The following SUMF1 variants were observed in gnomAD, a reference collection of about 807,000 sequenced individuals.
SUMF1 encodes formylglycine-generating enzyme.
In SUMF1, 48 loss-of-function variants were observed where a neutral mutation model predicts 47.6. The ratio of observed to expected loss-of-function variants is 1.01; its 90% CI spans 0.80 to 1.28. SUMF1 has a LOEUF of 1.28. Ranked by LOEUF, SUMF1 falls within the 50% of genes most tolerant of loss-of-function variation. SUMF1 has a pLI of 0.00. For missense variants in SUMF1, 571 were observed against 485.4 expected (o/e 1.18, Z -1.66); for synonymous variants, 230 against 192.1 (o/e 1.20, Z -1.63).
At chr3:4,190,203 T>A (rs997115559) in intron 8 of SUMF1, among the ~76,000 whole-genome samples, 24 of 151,582 alleles carry the variant, frequency 1.6e-4, no homozygotes, top group Non-Finnish European at 3.2e-4. Flanking sequence ...TTTTTTTTTT[T>A]AATGAACTGA....
chr3:4,380,811 G>A (rs1700480051), intron 7 of SUMF1, among the ~76,000 whole-genome samples: 1 of 152,030 alleles, frequency 6.6e-6, no homozygotes, highest in Non-Finnish European at 1.5e-5. Context: ...AAAGGCCAAG[G>A]TACAGCTAAA....
At chr3:4,081,543 G>A (rs899939687) in intron 8 of SUMF1, among the ~76,000 whole-genome samples, 6 of 152,158 alleles carry the variant, frequency 3.9e-5, no homozygotes, top group Admixed American at 2.6e-4. Flanking sequence ...AGACAGTCCA[G>A]TAGAGTGGTT....
At position 4,456,946 on chromosome 3, in the gene SUMF1, A is replaced by ATC. The variant is rs1388194449; in HGVS notation, c.271-3898_271-3897insGA. 2.5e-5 allele frequency among the ~76,000 whole-genome samples: 3 copies of ATC among 119,700 alleles called. 1 individual carries two copies. The highest frequency in any genetic ancestry group is 3.6e-5 in the Non-Finnish European group (2 of 55,606). 78.5% of individuals were successfully genotyped at this position (119,700 alleles called of 152,430 possible). A position where few individuals can be genotyped will look rare whatever the true frequency, so the allele number is the denominator to read the frequency against. On this transcript the variant is annotated intron_variant, in intron 1 of 8. Transcript: ENST00000272902. ...TGTGTATATATATACGTGTGTGTAC[A>ATC]TATATACGTGTGTGTATATATATAC...
chr3:4,206,376 T>C (rs1427366185), intron 8 of SUMF1, among the ~76,000 whole-genome samples: 1 of 152,070 alleles, frequency 6.6e-6, no homozygotes, highest in Non-Finnish European at 1.5e-5. Context: ...TTCAAATTTA[T>C]TTAGTACCCT....
At chr3:4,280,298 C>A (rs1377673180) in intron 8 of SUMF1, among the ~76,000 whole-genome samples, 2 of 152,126 alleles carry the variant, frequency 1.3e-5, no homozygotes, top group Non-Finnish European at 2.9e-5. Flanking sequence ...ATCAAGAACA[C>A]CCCGGGGTCC....
chr3:4,088,414 A>G (rs1467579816), intron 8 of SUMF1, among the ~76,000 whole-genome samples: 3 of 152,086 alleles, frequency 2.0e-5, no homozygotes, highest in Admixed American at 2.0e-4. Flanking sequence ...AACAACTATT[A>G]TGCACCTTTA....
chr3:4,220,702 G>A (rs780490680), intron 8 of SUMF1, among the ~76,000 whole-genome samples: 3 of 152,086 alleles, frequency 2.0e-5, no homozygotes, highest in Non-Finnish European at 4.4e-5. Flanking sequence ...TTTTACCACA[G>A]ACTTGCTATA....
intron 7 of SUMF1, among the ~76,000 whole-genome samples, chr3:4,382,322 A>ATG (rs1260935229): frequency 1.5e-5 from 2 of 132,864 alleles, no homozygotes; most frequent in African/African-American, 6.9e-5. Context: ...TTATACATAC[A>ATG]CACACACATA....
At chr3:4,439,928 A>T (rs921098842) in intron 3 of SUMF1, among the ~76,000 whole-genome samples, 1 of 152,120 alleles carries the variant, frequency 6.6e-6, no homozygotes, top group African/African-American at 2.4e-5. Flanking sequence ...CTAAAAGTTC[A>T]AACATTCAAA....
intron 8 of SUMF1, among the ~76,000 whole-genome samples, chr3:4,178,703 A>G (rs1695026611): frequency 6.6e-6 from 1 of 152,152 alleles, no homozygotes; most frequent in Non-Finnish European, 1.5e-5. Flanking sequence ...CAATCAGGCA[A>G]GAGAAAGAAA....
chr3:4,062,950 C>A (rs1695299751), intron 9 of SUMF1, among the ~76,000 whole-genome samples: 2 of 152,084 alleles, frequency 1.3e-5, no homozygotes, highest in Admixed American at 6.6e-5. Context: ...GTGATCTTTG[C>A]TTTCCTTGGT....
chr3:4,456,351 C>T (rs986862243), intron 1 of SUMF1, among the ~76,000 whole-genome samples: 2 of 151,858 alleles, frequency 1.3e-5, no homozygotes, highest in African/African-American at 4.8e-5. Context: ...TAATACCGGA[C>T]ATACTAGACA....
chr3:4,130,090 G>C (rs1381438543), intron 8 of SUMF1, among the ~76,000 whole-genome samples: 2 of 152,154 alleles, frequency 1.3e-5, no homozygotes, highest in Non-Finnish European at 2.9e-5. Flanking sequence ...TCAAGGACTT[G>C]AAAGATGCAG....
intron 8 of SUMF1, among the ~76,000 whole-genome samples, chr3:4,193,978 G>C (rs541299788): frequency 2.0e-5 from 3 of 152,080 alleles, no homozygotes; most frequent in Non-Finnish European, 2.9e-5. Context: ...ACAGGCCAAC[G>C]TAAGTATGCC....
chr3:4,394,993 C>T (rs948501635), intron 7 of SUMF1, among the ~76,000 whole-genome samples: 4 of 152,188 alleles, frequency 2.6e-5, no homozygotes, highest in African/African-American at 7.2e-5. Context: ...AAATGACTGA[C>T]GTCTCTGTTA....
intron 8 of SUMF1, among the ~76,000 whole-genome samples, chr3:4,232,893 G>A (rs1249638628): frequency 2.0e-5 from 3 of 152,120 alleles, no homozygotes; most frequent in Non-Finnish European, 4.4e-5. Flanking sequence ...AATCCCCACA[G>A]AGTCATTGGG....
chr3:4,344,928 A>G (rs1446256109), intron 8 of SUMF1, among the ~76,000 whole-genome samples: 1 of 152,082 alleles, frequency 6.6e-6, no homozygotes, highest in Admixed American at 6.6e-5. Flanking sequence ...GGAAGAAAGG[A>G]TATAAGAATT....
intron 8 of SUMF1, among the ~76,000 whole-genome samples, chr3:4,129,997 C>T (rs754205904): frequency 1.3e-5 from 2 of 152,104 alleles, no homozygotes; most frequent in African/African-American, 2.4e-5. Flanking sequence ...AAATGGAAGA[C>T]ATTAGAGCTG....
intron 8 of SUMF1, among the ~76,000 whole-genome samples, chr3:4,257,825 C>A (rs1323800984): frequency 6.6e-6 from 1 of 151,654 alleles, no homozygotes; most frequent in Non-Finnish European, 1.5e-5. Flanking sequence ...GCCAAAAGAA[C>A]AAAGCTGGAA....
Sources: allele counts gnomAD v4.1 joint callset (sites outside exome capture counted in the v4.1 genomes callset), GRCh38; gene constraint gnomAD v4.1.1; transcripts MANE v1.5; gene names NCBI Gene and HGNC (gene_info 2026-07-23, HGNC 2026-07-21).